GRIK4: variants seen among roughly 807,000 people sequenced by gnomAD.
GRIK4 encodes the protein glutamate ionotropic receptor kainate type subunit 4, also known as glutamate receptor ionotropic, kainate 4.
A neutral mutation model predicts 104.9 loss-of-function variants in GRIK4; 40 were observed. That is an observed-to-expected ratio of 0.38 (90% CI 0.30 to 0.50). GRIK4 has a LOEUF of 0.50. Among genes scored for constraint, GRIK4 ranks in the 20% least tolerant of loss-of-function variants. The pLI is 0.93. For missense variants in GRIK4, 1,047 were observed against 1,308.1 expected (o/e 0.80, Z 3.08); for synonymous variants, 485 against 524.9 (o/e 0.92, Z 1.04).
chr11:120,976,402 C>T (rs573298163), intron 19 of GRIK4, among the ~76,000 whole-genome samples: 2 of 152,248 alleles, frequency 1.3e-5, no homozygotes, highest in Admixed American at 6.5e-5. Context: ...GCAAACTTAC[C>T]GTTTCAACAT....
chr11:120,568,140 T>C (rs1261830921), intron 1 of GRIK4, among the ~76,000 whole-genome samples: 1 of 152,192 alleles, frequency 6.6e-6, no homozygotes, highest in Non-Finnish European at 1.5e-5. Flanking sequence ...ATTGCACCAC[T>C]GTACTCCAGC....
rs374584096 is a variant in GRIK4, at chr11:120,739,958, A to AGC, written c.83-62734_83-62733dup. On this transcript the variant is annotated intron_variant, in intron 3 of 20. Coordinates refer to ENST00000527524, the MANE Select transcript of GRIK4 (RefSeq NM_014619.5). Reference sequence around the variant, plus strand: ...CTTGCCCTAGGACTGCACTCCAGCCAGCTGACCTCACATGCCCCAACCTCA... The same window carrying AGC: ...CTTGCCCTAGGACTGCACTCCAGCCAGCGCTGACCTCACATGCCCCAACCTCA... Among the ~76,000 whole-genome samples, 160 of 152,310 alleles carry AGC rather than the reference A, an allele frequency of 1.1e-3. 1 individual carries two copies. Among genetic ancestry groups the AGC allele is most frequent in the African/African-American group, 3.6e-3 (150 of 41,572 alleles).
intron 2 of GRIK4, among the ~76,000 whole-genome samples, chr11:120,655,510 A>C (rs1310428176): frequency 1.3e-5 from 2 of 152,212 alleles, no homozygotes; most frequent in African/African-American, 4.8e-5. Context: ...ACTTCAGGGC[A>C]GGAGTGTGTC....
chr11:120,820,329 G>A lies in GRIK4; in HGVS notation c.511+409G>A, dbSNP rs75777355. 3.2e-3 allele frequency among the ~76,000 whole-genome samples: 492 copies of A among 152,126 alleles called. 3 individuals are homozygous for A. The highest frequency in any genetic ancestry group is 0.011 in the African/African-American group (466 of 41,488). ...CAAGGAGATACAAAAAGAGAGAGAG[G>A]GAACATATAAAATTGGATGCATTTG... On this transcript the variant is annotated intron_variant, in intron 6 of 20. Coordinates refer to ENST00000527524, the MANE Select transcript of GRIK4 (RefSeq NM_014619.5).
intron 1 of GRIK4, among the ~76,000 whole-genome samples, chr11:120,539,640 A>T (rs1948012241): frequency 6.6e-6 from 1 of 152,168 alleles, no homozygotes; most frequent in Admixed American, 6.5e-5. Flanking sequence ...CCATCAGCAA[A>T]GTTATTGCCA....
intron 3 of GRIK4, among the ~76,000 whole-genome samples, chr11:120,684,148 G>A (rs778417348): frequency 6.6e-6 from 1 of 152,046 alleles, no homozygotes; most frequent in Non-Finnish European, 1.5e-5. Context: ...AACATAGGGA[G>A]ACCCTGGCTC....
chr11:120,748,927 C>G (rs1207663988), intron 3 of GRIK4, among the ~76,000 whole-genome samples: 6 of 152,174 alleles, frequency 3.9e-5, no homozygotes, highest in Non-Finnish European at 7.4e-5. Context: ...AATAGTGGTG[C>G]TACAGCCACA....
At chr11:120,957,012 T>G in intron 16 of GRIK4, 59 bp downstream of exon 16, 1 of 1,414,248 alleles carries the variant, frequency 7.1e-7, no homozygotes, top group Non-Finnish European at 9.5e-7. Context: ...AAAGGGGCCC[T>G]CTGATAAGCC....
Position 120,861,941 on chromosome 11 carries a change from G to T in GRIK4, c.745-18G>T. ...CCTTCCTAACTACATTCTTATTTCT[G>T]ATGCTGGGTCTTTCCAGGAGTTCTC... On this transcript the variant is annotated intron_variant, in intron 8 of 20. Coordinates refer to ENST00000527524, the MANE Select transcript of GRIK4 (RefSeq NM_014619.5). 6.2e-7 allele frequency: 1 copy of T among 1,602,302 alleles called. No individual in the cohort carries two copies. The highest frequency in any genetic ancestry group is 8.5e-7 in the Non-Finnish European group (1 of 1,169,948).
intron 7 of GRIK4, among the ~76,000 whole-genome samples, chr11:120,834,112 G>A (rs748370893): frequency 6.6e-6 from 1 of 152,194 alleles, no homozygotes; most frequent in Non-Finnish European, 1.5e-5. Context: ...GAATTACTGA[G>A]TTAAAGGTAC....
chr11:120,546,550 A>C lies in GRIK4; in HGVS notation c.-159+34663A>C, dbSNP rs374987755. On this transcript the variant is annotated intron_variant, in intron 1 of 20. Coordinates refer to ENST00000527524, the MANE Select transcript of GRIK4 (RefSeq NM_014619.5). The stretch of plus-strand genomic sequence containing the variant: ...GATCCACCTAGAGGAAGGGGGATGC[A>C]GTCCGCATGGGAGTCCAGCACTGTG... 4.0e-4 allele frequency among the ~76,000 whole-genome samples: 61 copies of C among 152,300 alleles called. No homozygotes were observed. In the South Asian group the frequency reaches 0.012, roughly 31 times the overall value.
At chr11:120,982,359 G>A (rs757873751) in intron 20 of GRIK4, 135 bp downstream of exon 20, 30 of 659,398 alleles carry the variant, frequency 4.5e-5, no homozygotes, top group Non-Finnish European at 7.1e-5. Flanking sequence ...CAGCAGAGGG[G>A]ATTTGGATCA....
intron 3 of GRIK4, among the ~76,000 whole-genome samples, chr11:120,773,252 G>A (rs1301175386): frequency 1.3e-5 from 2 of 152,210 alleles, no homozygotes; most frequent in Admixed American, 1.3e-4. Flanking sequence ...CCCATCAAAT[G>A]TTCTGCCTCA....
chr11:120,946,821 C>G (rs920793161), intron 14 of GRIK4, among the ~76,000 whole-genome samples: 18 of 152,186 alleles, frequency 1.2e-4, no homozygotes, highest in African/African-American at 4.1e-4. Context: ...CCTGTCTTTA[C>G]AGTATCATAG....
At chr11:120,699,104 C>T (rs549456572) in intron 3 of GRIK4, among the ~76,000 whole-genome samples, 18 of 152,346 alleles carry the variant, frequency 1.2e-4, no homozygotes, top group Middle Eastern at 3.4e-3. Flanking sequence ...CCCGTTGCCA[C>T]TGGATGGTGA....
intron 3 of GRIK4, among the ~76,000 whole-genome samples, chr11:120,701,951 C>CTTT (rs34068640): frequency 7.8e-4 from 72 of 92,072 alleles, no homozygotes; most frequent in Admixed American, 1.5e-3. Flanking sequence ...TGATTCCAAG[C>CTTT]TTTTTTTTTT....
rs547419327 is a variant in GRIK4 at position 120,676,563 on chromosome 11, C to T, written c.82+16163C>T. 2.6e-4 allele frequency among the ~76,000 whole-genome samples: 40 copies of T among 152,296 alleles called. No homozygotes were observed. The East Asian group carries it at 3.9e-3, about 15-fold the overall frequency. On this transcript the variant is annotated intron_variant, in intron 3 of 20. Coordinates refer to ENST00000527524, the MANE Select transcript of GRIK4 (RefSeq NM_014619.5). ...TATGTGCAAAGAGGGAAAAACCTGA[C>T]GGGTGTCTTGACTTTCTAACAACCC... is the stretch of plus-strand genomic sequence containing the variant.
intron 8 of GRIK4, among the ~76,000 whole-genome samples, chr11:120,856,107 G>T (rs577889189): frequency 6.6e-6 from 1 of 152,338 alleles, no homozygotes; most frequent in African/African-American, 2.4e-5. Context: ...CAGGCCATGA[G>T]TACCTGTGTG....
chr11:120,617,216 G>T (rs1435441630), intron 1 of GRIK4, among the ~76,000 whole-genome samples: 1 of 152,168 alleles, frequency 6.6e-6, no homozygotes, highest in Non-Finnish European at 1.5e-5. Context: ...ATACAGCAGG[G>T]CTATGTCTGC....
Sources: gnomAD v4.1 joint callset for allele counts (sites outside exome capture counted in the v4.1 genomes callset) on GRCh38, gnomAD v4.1.1 for gene constraint, MANE v1.5 for transcripts, NCBI Gene and HGNC (gene_info 2026-07-23, HGNC 2026-07-21) for gene names.